The following GABRA2 variants were observed in gnomAD, a reference collection of about 807,000 sequenced individuals.
GABRA2 encodes gamma-aminobutyric acid type A receptor subunit alpha2.
GABRA2 carries 16 observed loss-of-function variants against 48.7 expected under a neutral mutation model. The observed-to-expected ratio is 0.33, with a 90% CI of 0.22 to 0.50. The LOEUF is 0.50. Among genes scored for constraint, GABRA2 ranks in the 20% least tolerant of loss-of-function variants. The probability of loss-of-function intolerance (pLI) is 0.98; values close to 1 mark genes in which losing one functional copy is unlikely to be tolerated. For synonymous variants in GABRA2, 185 were observed against 184.5 expected, an observed-to-expected ratio of 1.00 and a Z score of -0.02; for missense variants, 275 against 535.6, an observed-to-expected ratio of 0.51 and a Z score of 4.80.
intron 8 of GABRA2, among the ~76,000 whole-genome samples, chr4:46,281,394 C>T (rs900938774): frequency 1.3e-5 from 2 of 151,936 alleles, no homozygotes; most frequent in Non-Finnish European, 2.9e-5. Flanking sequence ...AAAATTTGAG[C>T]CAGATGAACT....
At chr4:46,283,702 C>G (rs531370596) in intron 8 of GABRA2, among the ~76,000 whole-genome samples, 1 of 152,308 alleles carries the variant, frequency 6.6e-6, no homozygotes, top group East Asian at 1.9e-4. Flanking sequence ...ACTCTCTGTA[C>G]TCACCAAAAA....
chr4:46,306,196 A>G (rs1450182679), intron 6 of GABRA2, among the ~76,000 whole-genome samples: 1 of 152,248 alleles, frequency 6.6e-6, no homozygotes, highest in African/African-American at 2.4e-5. Flanking sequence ...TCATTAGAAT[A>G]AAAAGTAATT....
chr4:46,306,152 G>A (rs1451500071), intron 6 of GABRA2, among the ~76,000 whole-genome samples: 1 of 152,140 alleles, frequency 6.6e-6, no homozygotes, highest in Non-Finnish European at 1.5e-5. Context: ...CTAGTTAAGA[G>A]TTAAATGAGT....
At chr4:46,369,639 A>C (rs1291221803) in intron 3 of GABRA2, among the ~76,000 whole-genome samples, 1 of 152,090 alleles carries the variant, frequency 6.6e-6, no homozygotes, top group African/African-American at 2.4e-5. Context: ...ACAGTTCATC[A>C]TTTGTCTATC....
intron 3 of GABRA2, among the ~76,000 whole-genome samples, chr4:46,376,732 G>GTCTCCCTCTCCC (rs148907326): frequency 1.7e-4 from 25 of 145,728 alleles, no homozygotes; most frequent in Admixed American, 4.1e-4. Flanking sequence ...TTTAAAAATT[G>GTCTCCCTCTCCC]TCTCCCTCTC....
chr4:46,253,485 C>T (rs143642040), intron 9 of GABRA2, among the ~76,000 whole-genome samples: 13 of 151,434 alleles, frequency 8.6e-5, no homozygotes, highest in Non-Finnish European at 1.8e-4. Context: ...TGTTAAAACT[C>T]GTTCCAAGTT....
At chr4:46,290,704 G>A (rs1334432769) in intron 8 of GABRA2, among the ~76,000 whole-genome samples, 4 of 152,018 alleles carry the variant, frequency 2.6e-5, no homozygotes, top group Non-Finnish European at 5.9e-5. Flanking sequence ...CAGGAATACA[G>A]TTTCAAGGAA....
At chr4:46,330,044 TACTC>T (rs1193073481) in intron 4 of GABRA2, among the ~76,000 whole-genome samples, 19 of 152,114 alleles carry the variant, frequency 1.2e-4, no homozygotes, top group African/African-American at 3.4e-4. Context: ...TGCATATACA[TACTC>T]ACTCACACGC....
At chr4:46,303,650 C>T (rs954178088) in intron 7 of GABRA2, 38 bp from the exon 8 acceptor site, 1 of 1,575,282 alleles carries the variant, frequency 6.3e-7, no homozygotes, top group African/African-American at 1.4e-5. Context: ...GAGTAATAGT[C>T]AATACTTTGA....
chr4:46,251,239 G>A (rs1169952454), intron 9 of GABRA2, among the ~76,000 whole-genome samples: 2 of 151,460 alleles, frequency 1.3e-5, no homozygotes, highest in African/African-American at 2.4e-5. Flanking sequence ...ATTATCTCCT[G>A]CCTGGACTTT....
chr4:46,280,679 G>A (rs538144747), intron 8 of GABRA2, among the ~76,000 whole-genome samples: 6 of 152,296 alleles, frequency 3.9e-5, no homozygotes, highest in African/African-American at 1.2e-4. Context: ...TGGACTGACT[G>A]TGTTACCTCC....
At chr4:46,377,737 G>A (rs9684417) in intron 3 of GABRA2, among the ~76,000 whole-genome samples, 1 of 117,884 alleles carries the variant, frequency 8.5e-6, no homozygotes, top group South Asian at 2.7e-4. Flanking sequence ...GGTGGGGGGG[G>A]TCAGCCCCCC....
At chr4:46,270,251 G>T (rs938896459) in intron 8 of GABRA2, among the ~76,000 whole-genome samples, 2 of 151,806 alleles carry the variant, frequency 1.3e-5, no homozygotes, top group Admixed American at 6.6e-5. Flanking sequence ...GTCTAGATCC[G>T]CTCCTCCTTC....
At chr4:46,315,496 T>C (rs2109713708) in intron 4 of GABRA2, among the ~76,000 whole-genome samples, 1 of 152,090 alleles carries the variant, frequency 6.6e-6, no homozygotes, top group African/African-American at 2.4e-5. Flanking sequence ...TGTTATGCTC[T>C]AGGCAATTGT....
At chr4:46,377,579 C>T (rs1055275835) in intron 3 of GABRA2, among the ~76,000 whole-genome samples, 2 of 151,816 alleles carry the variant, frequency 1.3e-5, no homozygotes, top group African/African-American at 2.4e-5. Context: ...CTCTGCCCGG[C>T]AGCCACCTCG....
At chr4:46,288,112 C>A (rs1722911206) in intron 8 of GABRA2, among the ~76,000 whole-genome samples, 1 of 152,128 alleles carries the variant, frequency 6.6e-6, no homozygotes. Flanking sequence ...ACACTGGTTT[C>A]CTCTCATGAC....
chr4:46,373,787 C>T (rs377572310), intron 3 of GABRA2, among the ~76,000 whole-genome samples: 2 of 152,078 alleles, frequency 1.3e-5, no homozygotes, highest in African/African-American at 2.4e-5. Flanking sequence ...TTCTTTTACT[C>T]GAATATGTGT....
intron 8 of GABRA2, among the ~76,000 whole-genome samples, chr4:46,295,456 G>A (rs1047046188): frequency 6.6e-6 from 1 of 152,204 alleles, no homozygotes; most frequent in Non-Finnish European, 1.5e-5. Context: ...TCACCAATGG[G>A]TGACCTCAGC....
chr4:46,269,542 A>C (rs967141415), intron 8 of GABRA2, among the ~76,000 whole-genome samples: 3 of 151,918 alleles, frequency 2.0e-5, no homozygotes, highest in Non-Finnish European at 4.4e-5. Flanking sequence ...AAAGTTTCAT[A>C]ATTCAATTTG....
Sources: allele counts gnomAD v4.1 joint callset (sites outside exome capture counted in the v4.1 genomes callset), GRCh38; gene constraint gnomAD v4.1.1; transcripts MANE v1.5; gene names NCBI Gene and HGNC (gene_info 2026-07-23, HGNC 2026-07-21).